PACS1: variants seen among roughly 807,000 people sequenced by gnomAD.
PACS1 encodes the protein PACS-1.
PACS1 carries 24 observed loss-of-function variants against 115.0 expected under a neutral mutation model. The ratio of observed to expected loss-of-function variants is 0.21; its 90% confidence interval spans 0.15 to 0.29. PACS1 has a LOEUF of 0.29. Ranked by LOEUF, PACS1 falls within the 10% of genes least tolerant of loss-of-function variation. PACS1 has a pLI of 1.00. For synonymous variants in PACS1, 453 were observed against 504.5 expected, an observed-to-expected ratio of 0.90 and a Z score of 1.37; for missense variants, 838 against 1,251.2, an observed-to-expected ratio of 0.67 and a Z score of 4.98.
rs1857294886 is a variant in PACS1, at chr11:66,070,786, G to C, written c.300G>C (p.Gln100His). 6.6e-7 allele frequency: 1 copy of C among 1,523,420 alleles called. No individual in the cohort carries two copies. Among genetic ancestry groups the C allele is most frequent in the South Asian group, 1.2e-5 (1 of 82,386 alleles). 94.4% of individuals were successfully genotyped at this position (1,523,420 alleles called of 1,614,324 possible). A position where few individuals can be genotyped will look rare whatever the true frequency, so the allele number is the denominator to read the frequency against. The change falls in exon 1 of 24, where the codon CAG becomes CAC. Residue 100 changes from glutamine (Q) to histidine (H), a missense_variant. Gln to His is a conservative substitution (Grantham distance 24). Around this residue, in one of 6 missense-constraint regions of PACS1, gnomAD observed 129 missense variants for 109.4 expected, o/e 1.18. Coordinates refer to ENST00000320580, the MANE Select transcript of PACS1 (RefSeq NM_018026.4). The surrounding 1 kb of genome is among the most constrained non-coding windows in gnomAD (Gnocchi z 5.9). ...CAGGCCGCACCCCCGCCCCGGTGCA[G>C]ATGAACCTGTACGCCACCTGGGAGG... ...PGPGRTPAPV[Q>H]MNLYATWEVD...
chr11:66,070,469 C>G lies in PACS1; in HGVS notation c.-18C>G. The G allele has an allele frequency of 3.2e-6, 4 of 1,254,278 alleles. No individual in the cohort carries two copies. Among genetic ancestry groups the G allele is most frequent in the Non-Finnish European group, 4.0e-6 (4 of 1,001,252 alleles). The allele number at this position is 1,254,278 out of a possible 1,614,324, so 77.7% of individuals were successfully genotyped here. On this transcript the variant is annotated 5_prime_UTR_variant, in exon 1 of 24. Coordinates refer to ENST00000320580, the MANE Select transcript of PACS1 (RefSeq NM_018026.4). The surrounding 1 kb of genome is among the most constrained non-coding windows in gnomAD (Gnocchi z 5.9). ...ATCGGCGTCGCCTCGGCCTCCGTAA[C>G]CCCCGCCTAGCCGGGCCATGGCGGA...
chr11:66,156,539 C>T (rs1409916479), intron 1 of PACS1, among the ~76,000 whole-genome samples: 1 of 151,818 alleles, frequency 6.6e-6, no homozygotes, highest in African/African-American at 2.4e-5. Context: ...GCCACTGCAC[C>T]TGGCCTAAAG....
At position 66,166,217 on chromosome 11, in the gene PACS1, G is replaced by C. The variant is rs537004535; in HGVS notation, c.357-27269G>C. Among the ~76,000 whole-genome samples, 5 of 152,180 alleles carry C rather than the reference G, an allele frequency of 3.3e-5. No homozygotes were observed. In the South Asian group the frequency reaches 6.2e-4, roughly 19 times the overall value. On this transcript the variant is annotated intron_variant, in intron 1 of 23. Transcript: ENST00000320580. ...GGCTGCAGTGCAATGGCATGGTCTC[G>C]GCTCACTGCAACCTCTGCCTCCCGG...
intron 1 of PACS1, among the ~76,000 whole-genome samples, chr11:66,172,387 G>A (rs964681147): frequency 2.0e-5 from 3 of 152,150 alleles, no homozygotes; most frequent in Admixed American, 6.5e-5. Flanking sequence ...CATAAAATAC[G>A]TTGCACCTTT....
At chr11:66,241,746 TG>T in intron 22 of PACS1, 93 bp downstream of exon 22, 1 of 1,068,202 alleles carries the variant, frequency 9.4e-7, no homozygotes, top group East Asian at 2.5e-5. Flanking sequence ...TTGGGATATT[TG>T]GGATGAAGAA....
At chr11:66,099,228 A>G (rs2134524948) in intron 1 of PACS1, among the ~76,000 whole-genome samples, 1 of 151,518 alleles carries the variant, frequency 6.6e-6, no homozygotes. Flanking sequence ...TGATTTATTT[A>G]TTTATTTATT....
At chr11:66,096,526 G>T (rs1308808164) in intron 1 of PACS1, among the ~76,000 whole-genome samples, 2 of 146,464 alleles carry the variant, frequency 1.4e-5, no homozygotes, top group Non-Finnish European at 1.5e-5. Context: ...TTTTGAGACG[G>T]GAGTTTCACT....
chr11:66,110,486 T>G (rs1384661714), intron 1 of PACS1, among the ~76,000 whole-genome samples: 1 of 152,090 alleles, frequency 6.6e-6, no homozygotes, highest in Admixed American at 6.5e-5. Context: ...CCTCTTGATT[T>G]TAATGGCATG....
At chr11:66,086,360 G>C (rs957041591) in intron 1 of PACS1, among the ~76,000 whole-genome samples, 1 of 151,994 alleles carries the variant, frequency 6.6e-6, no homozygotes, top group Non-Finnish European at 1.5e-5. Context: ...GGATGGTCTC[G>C]ATCTCCTGAC....
intron 10 of PACS1, among the ~76,000 whole-genome samples, chr11:66,225,550 A>AT (rs1428765711): frequency 6.6e-6 from 1 of 152,264 alleles, no homozygotes; most frequent in Admixed American, 6.5e-5. Context: ...TGATTTAATC[A>AT]TTTCACAGTG....
At chr11:66,238,129 A>G in intron 19 of PACS1, 1 of 985,158 alleles carries the variant, frequency 1.0e-6, no homozygotes, top group Non-Finnish European at 1.2e-6. Flanking sequence ...TGTCCTTTCC[A>G]GAATTCTCTA....
intron 2 of PACS1, among the ~76,000 whole-genome samples, chr11:66,206,989 G>A (rs1014630678): frequency 6.6e-6 from 1 of 152,188 alleles, no homozygotes; most frequent in South Asian, 2.1e-4. Flanking sequence ...CAATTCCCTC[G>A]AACCCCTTAC....
intron 2 of PACS1, among the ~76,000 whole-genome samples, chr11:66,208,711 GA>G (rs932525073): frequency 6.9e-6 from 1 of 145,834 alleles, no homozygotes; most frequent in Non-Finnish European, 1.5e-5. Context: ...AGGAAAGAAA[GA>G]AAAAAATCAT....
chr11:66,140,212 T>G (rs1858945602), intron 1 of PACS1, among the ~76,000 whole-genome samples: 1 of 152,198 alleles, frequency 6.6e-6, no homozygotes. Flanking sequence ...GACCTATAAG[T>G]CTGCATTTCT....
At chr11:66,095,486 C>T (rs545857933) in intron 1 of PACS1, among the ~76,000 whole-genome samples, 47 of 152,324 alleles carry the variant, frequency 3.1e-4, no homozygotes, top group African/African-American at 1.1e-3. Flanking sequence ...GAGACGGAGA[C>T]TTACTCTGTT....
Position 66,236,287 on chromosome 11 carries a change from T to C in PACS1, c.2250+347T>C, listed in dbSNP as rs906052500. On this transcript the variant is annotated intron_variant, in intron 19 of 23. Coordinates refer to ENST00000320580, the MANE Select transcript of PACS1 (RefSeq NM_018026.4). The surrounding 1 kb of genome is among the most constrained non-coding windows in gnomAD (Gnocchi z 4.2). ...TGTCCGCCTTTTCCAAATCACGAAC[T>C]GTTCCTGGGTCCATCACTGATGTCT... 6.6e-6 allele frequency among the ~76,000 whole-genome samples: 1 copy of C among 152,216 alleles called. No individual in the cohort carries two copies. The highest frequency in any genetic ancestry group is 2.1e-4 in the South Asian group (1 of 4,832).
chr11:66,205,869 C>T (rs1294786025), intron 2 of PACS1, among the ~76,000 whole-genome samples: 1 of 151,958 alleles, frequency 6.6e-6, no homozygotes, highest in Admixed American at 6.6e-5. Flanking sequence ...GTAACCTGGC[C>T]GGTCACGGTG....
intron 1 of PACS1, among the ~76,000 whole-genome samples, chr11:66,091,910 C>G (rs1412967721): frequency 6.6e-6 from 1 of 152,048 alleles, no homozygotes; most frequent in African/African-American, 2.4e-5. Flanking sequence ...TTTTCTTAAT[C>G]CAGTCTATCA....
intron 1 of PACS1, among the ~76,000 whole-genome samples, chr11:66,180,187 G>GCC: frequency 6.6e-6 from 1 of 151,952 alleles, no homozygotes; most frequent in Non-Finnish European, 1.5e-5. Context: ...GAGCACAAAT[G>GCC]CTCCACTGCA....
Sources: gnomAD v4.1 joint callset for allele counts (sites outside exome capture counted in the v4.1 genomes callset) on GRCh38, gnomAD v4.1.1 for gene constraint, gnomAD v4.1.1 regional missense constraint, Gnocchi (gnomAD v3.1) non-coding constraint, MANE v1.5 for transcripts, NCBI Gene and HGNC (gene_info 2026-07-23, HGNC 2026-07-21) for gene names.